Variants in KRT8 observed in about 807,000 individuals in gnomAD.
The protein encoded by KRT8 is keratin, type II cytoskeletal 8.
KRT8 carries 24 observed loss-of-function variants against 43.0 expected under a neutral mutation model. The ratio of observed to expected loss-of-function variants is 0.56; its 90% CI spans 0.40 to 0.78. KRT8 has a LOEUF of 0.78. Ranked by LOEUF, KRT8 falls within the 30% of genes least tolerant of loss-of-function variation. The pLI is 0.00. For missense variants in KRT8, 492 were observed against 638.4 expected (o/e 0.77, Z 2.47); for synonymous variants, 214 against 261.2 (o/e 0.82, Z 1.74).
upstream of KRT8, among the ~76,000 whole-genome samples, chr12:52,909,342 T>C (rs1391459882): frequency 6.6e-6 from 1 of 152,132 alleles, no homozygotes; most frequent in Non-Finnish European, 1.5e-5. Context: ...CATTTTGAAA[T>C]GTTATTATTG....
chr12:52,897,561 C>G, exon 8 of KRT8: 1 of 1,598,222 alleles, frequency 6.3e-7, no homozygotes, highest in Non-Finnish European at 8.5e-7. Context: ...AAAGCTGGAG[C>G]CCAGGCTGTA....
intron 2 of KRT8, among the ~76,000 whole-genome samples, chr12:52,940,175 G>A (rs1942242444): frequency 6.6e-6 from 1 of 152,106 alleles, no homozygotes; most frequent in African/African-American, 2.4e-5. Flanking sequence ...GCTCATGCCT[G>A]TAATCCCAGC....
intron 2 of KRT8, among the ~76,000 whole-genome samples, chr12:52,928,795 A>C (rs762066409): frequency 6.6e-6 from 1 of 152,138 alleles, no homozygotes; most frequent in African/African-American, 2.4e-5. Flanking sequence ...AATCCTAGCT[A>C]CTTAGGAGGC....
At chr12:52,927,414 C>T (rs1162442382) in intron 2 of KRT8, among the ~76,000 whole-genome samples, 1 of 152,228 alleles carries the variant, frequency 6.6e-6, no homozygotes, top group Non-Finnish European at 1.5e-5. Context: ...ACTTGGAATT[C>T]CTGCCTGTCC....
chr12:52,926,574 T>G (rs1255092591), intron 2 of KRT8: 1 of 915,766 alleles, frequency 1.1e-6, no homozygotes, highest in Non-Finnish European at 1.7e-6. Flanking sequence ...GTTACACCCC[T>G]GGGCTGGGTT....
intron 1 of KRT8, chr12:52,949,638 A>C: frequency 6.7e-7 from 1 of 1,489,734 alleles, no homozygotes; most frequent in South Asian, 1.1e-5. Context: ...TGACCCTCCA[A>C]TTATACACTC....
At chr12:52,907,968 A>G (rs990404347), upstream of KRT8, among the ~76,000 whole-genome samples, 5 of 152,228 alleles carry the variant, frequency 3.3e-5, no homozygotes, top group African/African-American at 4.8e-5. Flanking sequence ...ACAAAAGGGA[A>G]CAACGTGTTT....
intron 2 of KRT8, among the ~76,000 whole-genome samples, chr12:52,922,050 G>A (rs1941896487): frequency 6.6e-6 from 1 of 151,754 alleles, no homozygotes; most frequent in South Asian, 2.1e-4. Context: ...GCAGAGTGGT[G>A]CACACCTGTA....
chr12:52,948,597 T>C (rs773719269), intron 2 of KRT8: 33 of 253,224 alleles, frequency 1.3e-4, no homozygotes, highest in Non-Finnish European at 2.0e-4. Flanking sequence ...GTTCAAGCGA[T>C]TCCCCTTCCT....
intron 2 of KRT8, among the ~76,000 whole-genome samples, chr12:52,932,420 G>A (rs1362844706): frequency 1.3e-5 from 2 of 152,040 alleles, no homozygotes; most frequent in Non-Finnish European, 2.9e-5. Context: ...TGATTACTTT[G>A]TCCACAAGAT....
intron 2 of KRT8, among the ~76,000 whole-genome samples, chr12:52,938,171 T>TATATA (rs1350561374): frequency 3.3e-3 from 99 of 29,590 alleles, no homozygotes; most frequent in East Asian, 0.011. Flanking sequence ...TATATATATA[T>TATATA]TTTTTTTTTT....
intron 2 of KRT8, among the ~76,000 whole-genome samples, chr12:52,938,170 A>ATATATATATATATATATTTT (rs1555189967): frequency 3.3e-4 from 10 of 30,296 alleles, no homozygotes; most frequent in African/African-American, 4.3e-4. Flanking sequence ...ATATATATAT[A>ATATATATATATATATATTTT]TTTTTTTTTT....
chr12:52,905,361 C>T (rs185527147), upstream of KRT8, among the ~76,000 whole-genome samples: 3 of 152,308 alleles, frequency 2.0e-5, no homozygotes, highest in East Asian at 3.9e-4. Flanking sequence ...TTGCCTGGGC[C>T]GCCCAGCCAC....
At chr12:52,899,074 G>A in intron 5 of KRT8, 175 bp from the exon 6 acceptor site, 1 of 645,214 alleles carries the variant, frequency 1.5e-6, no homozygotes, top group South Asian at 1.8e-5. Context: ...CAGCACTTTG[G>A]GAGGCCGAGG....
chr12:52,916,562 G>C (rs1565724601), intron 2 of KRT8, among the ~76,000 whole-genome samples: 2 of 152,200 alleles, frequency 1.3e-5, no homozygotes. Flanking sequence ...TCTGTGTCTG[G>C]TTCCTGTCTC....
chr12:52,939,992 T>G (rs1942239903), intron 2 of KRT8, among the ~76,000 whole-genome samples: 1 of 152,150 alleles, frequency 6.6e-6, no homozygotes, highest in Admixed American at 6.6e-5. Flanking sequence ...AATATTCATC[T>G]ACTGGTGAAT....
In KRT8 at chr12:52,904,819, CA is replaced by C; in HGVS notation, c.162del (p.Tyr54Ter). ...ATGCCTCCCATGCCGCTGGCCCCACCATAGCCGCCGCCCAGGCCACCGCGAA... is the reference window on the plus strand; with the variant it reads ...ATGCCTCCCATGCCGCTGGCCCCACCTAGCCGCCGCCCAGGCCACCGCGAA... On this transcript the variant is annotated frameshift_variant, in exon 1 of 8. Coordinates refer to ENST00000692008, the Ensembl canonical transcript of KRT8. LOFTEE classifies it high-confidence loss of function. 9 of 1,612,460 alleles carry C rather than the reference CA, an allele frequency of 5.6e-6. No homozygotes were observed. The highest frequency in any genetic ancestry group is 6.8e-6 in the Non-Finnish European group (8 of 1,179,962).
At chr12:52,897,715 G>C (rs1212392319) in intron 7 of KRT8, 97 bp from the exon 8 acceptor site, 2 of 1,540,888 alleles carry the variant, frequency 1.3e-6, no homozygotes, top group African/African-American at 2.7e-5. Context: ...TAGCCCCAGG[G>C]ATGGGAGGTT....
intron 1 of KRT8, 112 bp downstream of exon 1, chr12:52,904,546 G>A: frequency 1.0e-6 from 1 of 995,500 alleles, no homozygotes; most frequent in Non-Finnish European, 1.6e-6. Context: ...TGTCGCCAGG[G>A]CGGGTGAGGC....
Sources: allele counts gnomAD v4.1 joint callset (sites outside exome capture counted in the v4.1 genomes callset), GRCh38; gene constraint gnomAD v4.1.1; transcripts MANE v1.5; gene names NCBI Gene and HGNC (gene_info 2026-07-23, HGNC 2026-07-21).